Variants in FER1L6 observed in about 807,000 individuals in gnomAD.
FER1L6 encodes fer-1-like protein 6.
Under a neutral mutation model 219.2 loss-of-function variants are expected in FER1L6, and 177 were observed. That is an observed-to-expected ratio of 0.81 (90% CI 0.71 to 0.91). FER1L6 has a LOEUF of 0.91. FER1L6 is among the 40% of genes least tolerant of loss of function. The probability of loss-of-function intolerance (pLI) is 0.00; values close to 1 mark genes in which losing one functional copy is unlikely to be tolerated. For synonymous variants in FER1L6, 768 were observed against 824.3 expected (o/e 0.93, Z 1.17); for missense variants, 2,153 against 2,259.9 (o/e 0.95, Z 0.96).
chr8:123,858,162 T>C (rs561180313), intron 1 of FER1L6, among the ~76,000 whole-genome samples: 11 of 152,320 alleles, frequency 7.2e-5, no homozygotes, highest in Non-Finnish European at 1.3e-4. Flanking sequence ...TTCCTTTAAA[T>C]GACACTTTAA....
chr8:123,854,480 G>C (rs1244356414), intron 1 of FER1L6, among the ~76,000 whole-genome samples: 1 of 152,198 alleles, frequency 6.6e-6, no homozygotes, highest in Non-Finnish European at 1.5e-5. Flanking sequence ...GTGAAACTTA[G>C]ATTCATTGCC....
intron 12 of FER1L6, among the ~76,000 whole-genome samples, chr8:123,992,217 A>C (rs1012008672): frequency 5.3e-5 from 8 of 152,164 alleles, no homozygotes; most frequent in African/African-American, 1.9e-4. Context: ...GCTTCATAGA[A>C]TGAGTTAGAA....
At chr8:123,996,939 T>C (rs1817160143) in intron 12 of FER1L6, among the ~76,000 whole-genome samples, 1 of 152,152 alleles carries the variant, frequency 6.6e-6, no homozygotes, top group Non-Finnish European at 1.5e-5. Context: ...CCACTCACTT[T>C]TAAGTATTTG....
rs1822776938 is a variant in FER1L6 at position 124,106,361 on chromosome 8, A to AC, written c.5289+3053dup. On this transcript the variant is annotated intron_variant, in intron 39 of 40. Transcript: ENST00000522917. ...AAAAAAAAAAAAAAAAAAAAAAAAAACAGAGTGGACGTTATGATATATGAA... is the reference window on the plus strand; with the variant it reads ...AAAAAAAAAAAAAAAAAAAAAAAAAACCAGAGTGGACGTTATGATATATGAA... Among the ~76,000 whole-genome samples the AC allele has an allele frequency of 2.5e-5, 3 of 122,000 alleles. No homozygotes were observed. In the East Asian group the frequency reaches 7.1e-4, roughly 29 times the overall value. The allele number at this position is 122,000 out of a possible 152,430, so 80.0% of individuals were successfully genotyped here. A position where few individuals can be genotyped will look rare whatever the true frequency, so the allele number is the denominator to read the frequency against.
rs529228642 is a variant in FER1L6, at chr8:124,041,785, G to A, written c.2589+1779G>A. Among the ~76,000 whole-genome samples the A allele has an allele frequency of 2.0e-4, 30 of 152,334 alleles. No homozygotes were observed. The East Asian group carries it at 5.6e-3, about 28-fold the overall frequency. ...GACTGCTTTCTCTTTCCTGTGTTTT[G>A]AGAGTTAGTATAGAGCATGGTGATG... is the stretch of plus-strand genomic sequence containing the variant. On this transcript the variant is annotated intron_variant, in intron 20 of 40. Coordinates refer to ENST00000522917, the MANE Select transcript of FER1L6 (RefSeq NM_001039112.2).
In FER1L6 at chr8:124,003,293, T is replaced by C. The variant is rs2130505426; in HGVS notation, c.1646T>C (p.Ile549Thr). The change falls in exon 13 of 41, where the codon ATT becomes ACT. Residue 549 changes from isoleucine to threonine, a missense_variant. Coordinates refer to ENST00000522917, the MANE Select transcript of FER1L6 (RefSeq NM_001039112.2). Reference protein sequence around the residue: ...GQGDVAHDVPIPMASTTHPEK... With the variant: ...GQGDVAHDVPTPMASTTHPEK... ...GGGGATGTGGCCCATGATGTTCCCATTCCTATGGCCTCCACCACTCACCCG... is the reference window on the plus strand; with the variant it reads ...GGGGATGTGGCCCATGATGTTCCCACTCCTATGGCCTCCACCACTCACCCG... The C allele has an allele frequency of 6.2e-7, 1 of 1,613,844 alleles. No homozygotes were observed. The highest frequency in any genetic ancestry group is 8.5e-7 in the Non-Finnish European group (1 of 1,179,980).
Position 124,114,357 on chromosome 8 carries a change from G to A in FER1L6, c.5290-4487G>A, listed in dbSNP as rs537686066. Among the ~76,000 whole-genome samples the A allele has an allele frequency of 9.2e-5, 14 of 152,122 alleles. 1 individual carries two copies. The South Asian group carries it at 1.9e-3, about 20-fold the overall frequency. On this transcript the variant is annotated intron_variant, in intron 39 of 40. Coordinates refer to ENST00000522917, the MANE Select transcript of FER1L6 (RefSeq NM_001039112.2). ...TTTTGTTGTTATTGTTATCACTATA[G>A]ATTCATGGATTTTTAACAAATATGT... is the stretch of plus-strand genomic sequence containing the variant.
chr8:124,011,239 C>A (rs943266614), intron 14 of FER1L6, among the ~76,000 whole-genome samples: 1 of 152,026 alleles, frequency 6.6e-6, no homozygotes, highest in Non-Finnish European at 1.5e-5. Flanking sequence ...TCCTCTGTTA[C>A]TTTTCCCCTC....
At chr8:123,894,086 T>C (rs1465368964) in intron 1 of FER1L6, among the ~76,000 whole-genome samples, 2 of 152,144 alleles carry the variant, frequency 1.3e-5, no homozygotes, top group African/African-American at 4.8e-5. Context: ...AGTTTTTTTC[T>C]GATAAACATA....
chr8:124,110,366 T>C (rs1822971896), intron 39 of FER1L6, among the ~76,000 whole-genome samples: 1 of 152,158 alleles, frequency 6.6e-6, no homozygotes, highest in African/African-American at 2.4e-5. Context: ...TCAGGAAGGA[T>C]GAGATTCAAA....
chr8:123,917,345 G>A (rs1386069220), intron 1 of FER1L6, among the ~76,000 whole-genome samples: 3 of 152,190 alleles, frequency 2.0e-5, no homozygotes, highest in Non-Finnish European at 4.4e-5. Flanking sequence ...AAGTGCAGAG[G>A]ACTTGACTGA....
At chr8:124,019,942 T>C (rs7002952) in intron 16 of FER1L6, among the ~76,000 whole-genome samples, 7,851 of 152,098 alleles carry the variant, frequency 0.052, 374 homozygotes, top group African/African-American at 0.12. Flanking sequence ...GGAAGAACAT[T>C]TGAGCAAGAG....
chr8:124,030,182 G>T (rs1374548467), intron 18 of FER1L6, among the ~76,000 whole-genome samples: 2 of 152,094 alleles, frequency 1.3e-5, no homozygotes, highest in African/African-American at 4.8e-5. Flanking sequence ...GCCCACATTT[G>T]TCAAGCTTAT....
At chr8:123,966,630 ATTC>A (rs1254752385) in intron 5 of FER1L6, among the ~76,000 whole-genome samples, 2 of 152,188 alleles carry the variant, frequency 1.3e-5, no homozygotes, top group Non-Finnish European at 2.9e-5. Context: ...GAAGATACAT[ATTC>A]TTCTTCCTGG....
chr8:123,875,012 T>C (rs1435110215), intron 1 of FER1L6, among the ~76,000 whole-genome samples: 1 of 151,944 alleles, frequency 6.6e-6, no homozygotes, highest in Admixed American at 6.6e-5. Flanking sequence ...CTGGCCAACA[T>C]GGTGAAATCC....
intron 33 of FER1L6, among the ~76,000 whole-genome samples, chr8:124,086,089 T>C (rs1009345933): frequency 7.9e-5 from 12 of 152,212 alleles, no homozygotes; most frequent in Admixed American, 2.6e-4. Flanking sequence ...TTTTAGTCTA[T>C]GTGTATCTTT....
chr8:124,067,565 C>A (rs563526899), intron 27 of FER1L6, among the ~76,000 whole-genome samples: 1 of 152,252 alleles, frequency 6.6e-6, no homozygotes, highest in Admixed American at 6.5e-5. Context: ...GTGCGGATAC[C>A]TCTTTTTTAG....
chr8:124,076,335 C>G lies in FER1L6; in HGVS notation c.4220+10C>G, dbSNP rs1307401383. Reference sequence around the variant, plus strand: ...ACCCAGTATTTGGAAGGTCAGTGGCCATCTGGGCTGTGTTTTATTGTCCTT... The same window carrying G: ...ACCCAGTATTTGGAAGGTCAGTGGCGATCTGGGCTGTGTTTTATTGTCCTT... On this transcript the variant is annotated intron_variant, in intron 32 of 40. Coordinates refer to ENST00000522917, the MANE Select transcript of FER1L6 (RefSeq NM_001039112.2). The G allele has an allele frequency of 1.1e-5, 18 of 1,611,796 alleles. No homozygotes were observed. The highest frequency in any genetic ancestry group is 1.5e-5 in the Non-Finnish European group (18 of 1,178,224).
intron 5 of FER1L6, among the ~76,000 whole-genome samples, chr8:123,967,188 C>A (rs928614272): frequency 2.6e-5 from 4 of 152,172 alleles, no homozygotes; most frequent in Non-Finnish European, 5.9e-5. Context: ...ATCCCCAATG[C>A]CCTAGTCCTC....
Sources: gnomAD v4.1 joint callset for allele counts (sites outside exome capture counted in the v4.1 genomes callset) on GRCh38, gnomAD v4.1.1 for gene constraint, MANE v1.5 for transcripts, NCBI Gene and HGNC (gene_info 2026-07-23, HGNC 2026-07-21) for gene names.